Variants in STAC observed in about 807,000 individuals in gnomAD.
STAC encodes SH3 and cysteine-rich domain-containing protein.
A neutral mutation model predicts 48.8 loss-of-function variants in STAC; 43 were observed. The ratio of observed to expected loss-of-function variants is 0.88; its 90% CI spans 0.69 to 1.14. The LOEUF (loss-of-function observed/expected upper bound fraction) is 1.14, where lower values mean the gene tolerates loss of function less well. Ranked by LOEUF, STAC falls within the 50% of genes most tolerant of loss-of-function variation. The pLI is 0.00. For missense variants in STAC, 497 were observed against 504.0 expected, an observed-to-expected ratio of 0.99 and a Z score of 0.13; for synonymous variants, 193 against 179.5, an observed-to-expected ratio of 1.07 and a Z score of -0.60.
chr3:36,395,291 T>TA (rs527731454), intron 1 of STAC, among the ~76,000 whole-genome samples: 51 of 152,244 alleles, frequency 3.3e-4, no homozygotes, highest in African/African-American at 1.2e-3. Flanking sequence ...GAGAAGTCAC[T>TA]AAGGTTGTAA....
chr3:36,393,917 G>A (rs1014345726), intron 1 of STAC, among the ~76,000 whole-genome samples: 2 of 152,010 alleles, frequency 1.3e-5, no homozygotes, highest in Non-Finnish European at 2.9e-5. Context: ...TTTTGTTTCA[G>A]AAACCAGAAT....
intron 8 of STAC, among the ~76,000 whole-genome samples, chr3:36,510,223 T>C (rs1698502273): frequency 6.6e-6 from 1 of 152,110 alleles, no homozygotes; most frequent in Non-Finnish European, 1.5e-5. Flanking sequence ...TCACTGGTCA[T>C]TAGAAAAAAG....
chr3:36,424,255 C>T lies in STAC; in HGVS notation c.112-19109C>T, dbSNP rs114266109. Among the ~76,000 whole-genome samples, 325 of 147,838 alleles carry T rather than the reference C, an allele frequency of 2.2e-3. 2 individuals are homozygous for T. The highest frequency in any genetic ancestry group is 4.0e-3 in the Non-Finnish European group (266 of 67,122). On this transcript the variant is annotated intron_variant, in intron 1 of 10. Transcript: ENST00000273183. Reference sequence around the variant, plus strand: ...TCTCTTTTGCCCTGTGTATTTTCTCCGAAAAAAAAAAACAAAACTGTTCTC... The same window carrying T: ...TCTCTTTTGCCCTGTGTATTTTCTCTGAAAAAAAAAAACAAAACTGTTCTC...
Position 36,463,491 on chromosome 3 carries a change from AT to A in STAC, c.389-19493del, listed in dbSNP as rs534969647. Among the ~76,000 whole-genome samples, 1,009 of 149,748 alleles carry A rather than the reference AT, an allele frequency of 6.7e-3. 7 individuals carry two copies. Among genetic ancestry groups the A allele is most frequent in the Non-Finnish European group, 0.011 (719 of 67,426 alleles). On this transcript the variant is annotated intron_variant, in intron 2 of 10. Transcript: ENST00000273183. ...AAATCTCTCATTTTAATTTTTTTTAATTTTTTTTGGTAGTTTTTCTTTTTTT... is the reference window on the plus strand; with the variant it reads ...AAATCTCTCATTTTAATTTTTTTTAATTTTTTTGGTAGTTTTTCTTTTTTT...
At chr3:36,433,863 T>C (rs1700764786) in intron 1 of STAC, among the ~76,000 whole-genome samples, 1 of 152,174 alleles carries the variant, frequency 6.6e-6, no homozygotes, top group African/African-American at 2.4e-5. Flanking sequence ...AATATAGTCA[T>C]TAATAACTGG....
rs775631597 is a variant in STAC at position 36,546,686 on chromosome 3, C to A, written c.*397C>A. ...TCAGATCCATGTAGCTAAGTATTATCCTGCTTCCAGACCTATGTCACCAGT... is the reference window on the plus strand; with the variant it reads ...TCAGATCCATGTAGCTAAGTATTATACTGCTTCCAGACCTATGTCACCAGT... On this transcript the variant is annotated 3_prime_UTR_variant, in exon 11 of 11. Coordinates refer to ENST00000273183, the MANE Select transcript of STAC (RefSeq NM_003149.3). The A allele has an allele frequency of 1.5e-5, 3 of 202,694 alleles. No individual in the cohort carries two copies. Among genetic ancestry groups the A allele is most frequent in the Non-Finnish European group, 1.0e-5 (1 of 99,182 alleles). The allele number at this position is 202,694 out of a possible 1,614,324, so 12.6% of individuals were successfully genotyped here. A position where few individuals can be genotyped will look rare whatever the true frequency, so the allele number is the denominator to read the frequency against.
chr3:36,533,272 C>A (rs1253221765), intron 10 of STAC, among the ~76,000 whole-genome samples: 1 of 152,144 alleles, frequency 6.6e-6, no homozygotes, highest in Non-Finnish European at 1.5e-5. Context: ...CAGACTGACA[C>A]CCCATCTCTG....
intron 1 of STAC, among the ~76,000 whole-genome samples, chr3:36,414,034 C>G (rs879179183): frequency 6.6e-6 from 1 of 152,092 alleles, no homozygotes; most frequent in Non-Finnish European, 1.5e-5. Context: ...GAGTTTCTGC[C>G]AGGAGATCAG....
chr3:36,443,373 C>A lies in STAC; in HGVS notation c.121C>A (p.Leu41Ile), dbSNP rs1425960360. 6.2e-7 allele frequency: 1 copy of A among 1,614,214 alleles called. No homozygotes were observed. Among genetic ancestry groups the A allele is most frequent in the Admixed American group, 1.7e-5 (1 of 60,030 alleles). The change falls in exon 2 of 11, where the codon CTA becomes ATA. Residue 41 changes from leucine (L) to isoleucine (I), a missense_variant. Coordinates refer to ENST00000273183, the MANE Select transcript of STAC (RefSeq NM_003149.3). This position sits in a 1 kb window ranked among gnomAD's most constrained non-coding sequence, Gnocchi z 4.2. ...TSSQESKLQK[L>I]KRSLSFKTKS... ...TGTCATTGCATTGCAGCTCCAGAAA[C>A]TAAAACGATCACTTTCTTTCAAGAC... is the stretch of plus-strand genomic sequence containing the variant.
intron 6 of STAC, among the ~76,000 whole-genome samples, chr3:36,503,892 A>G (rs929290566): frequency 6.6e-6 from 1 of 152,216 alleles, no homozygotes; most frequent in Non-Finnish European, 1.5e-5. Context: ...AATATTTTGA[A>G]GTTTAAAACT....
intron 1 of STAC, among the ~76,000 whole-genome samples, chr3:36,407,883 A>G (rs1348723085): frequency 6.6e-6 from 1 of 152,246 alleles, no homozygotes; most frequent in Non-Finnish European, 1.5e-5. Context: ...TTGAGGTGTC[A>G]GGATTTCAAT....
chr3:36,518,389 T>C lies in STAC; in HGVS notation c.921-10307T>C, dbSNP rs531210600. On this transcript the variant is annotated intron_variant, in intron 8 of 10. Transcript: ENST00000273183. ...TATTAGCTCTCCTCAAACAGATTTATATGATAATGGCCATTTTTCATAAGG... is the reference window on the plus strand; with the variant it reads ...TATTAGCTCTCCTCAAACAGATTTACATGATAATGGCCATTTTTCATAAGG... Among the ~76,000 whole-genome samples, 3 of 151,972 alleles carry C rather than the reference T, an allele frequency of 2.0e-5. No homozygotes were observed. In the South Asian group the frequency reaches 6.2e-4, roughly 32 times the overall value.
At chr3:36,427,387 C>T (rs1700591005) in intron 1 of STAC, among the ~76,000 whole-genome samples, 1 of 152,216 alleles carries the variant, frequency 6.6e-6, no homozygotes, top group African/African-American at 2.4e-5. Context: ...CCCCTCTGGG[C>T]CAGCCTTGGA....
At chr3:36,516,729 G>C (rs1233826955) in intron 8 of STAC, among the ~76,000 whole-genome samples, 1 of 152,110 alleles carries the variant, frequency 6.6e-6, no homozygotes, top group Non-Finnish European at 1.5e-5. Context: ...GTCAATTTTA[G>C]CAAACTGTTT....
intron 2 of STAC, among the ~76,000 whole-genome samples, chr3:36,462,010 C>T (rs73824588): frequency 0.031 from 4,751 of 151,976 alleles, 222 homozygotes; most frequent in African/African-American, 0.11. Flanking sequence ...CGAGGATTGA[C>T]GCAAGCAGAA....
rs527771871 is a variant in STAC, at chr3:36,465,052, G to A, written c.389-17940G>A. Among the ~76,000 whole-genome samples the A allele has an allele frequency of 3.3e-5, 5 of 152,118 alleles. No individual in the cohort carries two copies. In the South Asian group the frequency reaches 1.0e-3, roughly 32 times the overall value. On this transcript the variant is annotated intron_variant, in intron 2 of 10. Transcript: ENST00000273183. ...TACAGAGTCTCCACAGTTTTCCATAGTGTTTGTACTCATTTACATTCCTAC... is the reference window on the plus strand; with the variant it reads ...TACAGAGTCTCCACAGTTTTCCATAATGTTTGTACTCATTTACATTCCTAC...
At chr3:36,541,019 G>C (rs1051659302) in intron 10 of STAC, among the ~76,000 whole-genome samples, 2 of 152,156 alleles carry the variant, frequency 1.3e-5, no homozygotes, top group Non-Finnish European at 2.9e-5. Context: ...TCAGTGGCTT[G>C]ATCCTCTGGT....
chr3:36,440,984 A>G (rs569841858), intron 1 of STAC, among the ~76,000 whole-genome samples: 1 of 152,206 alleles, frequency 6.6e-6, no homozygotes, highest in Non-Finnish European at 1.5e-5. Flanking sequence ...AAATAATTGT[A>G]CCTATTTATG....
At chr3:36,539,733 C>T (rs1487311614) in intron 10 of STAC, among the ~76,000 whole-genome samples, 1 of 152,144 alleles carries the variant, frequency 6.6e-6, no homozygotes, top group Admixed American at 6.5e-5. Flanking sequence ...AACACTGAGG[C>T]CAAGTCTTCC....
Sources: gnomAD v4.1 joint callset for allele counts (sites outside exome capture counted in the v4.1 genomes callset) on GRCh38, gnomAD v4.1.1 for gene constraint, Gnocchi (gnomAD v3.1) non-coding constraint, MANE v1.5 for transcripts, NCBI Gene and HGNC (gene_info 2026-07-23, HGNC 2026-07-21) for gene names.